EPC2: variants seen among roughly 807,000 people sequenced by gnomAD.
The protein encoded by EPC2 is enhancer of polycomb homolog 2.
In EPC2, 14 loss-of-function variants were observed where a neutral mutation model predicts 92.1. That is an observed-to-expected ratio of 0.15 (90% CI 0.10 to 0.24). EPC2 has a LOEUF of 0.24. EPC2 is among the 10% of genes least tolerant of loss of function. EPC2 has a pLI of 1.00. For missense variants in EPC2, 755 were observed against 971.5 expected (o/e 0.78, Z 2.96); for synonymous variants, 340 against 334.7 (o/e 1.02, Z -0.17).
rs1418327178 is a variant in EPC2 at position 148,644,879 on chromosome 2, C to CG, written c.-134dup. 1.2e-5 allele frequency: 9 copies of CG among 721,268 alleles called. No individual in the cohort carries two copies. Among genetic ancestry groups the CG allele is most frequent in the South Asian group, 1.8e-5 (1 of 55,560 alleles). 44.7% of individuals were successfully genotyped at this position (721,268 alleles called of 1,614,324 possible). On this transcript the variant is annotated 5_prime_UTR_variant, in exon 1 of 14. The change abolishes the stop of an existing upstream ORF in the 5' untranslated region. Coordinates refer to ENST00000258484, the MANE Select transcript of EPC2 (RefSeq NM_015630.4). ...GCGGGGTGGGCGCCCATGCTGTGGC[C>CG]GGGGGCAGTGAGGAGGAGGAGGAGC...
intron 1 of EPC2, among the ~76,000 whole-genome samples, chr2:148,684,863 G>A (rs1681482727): frequency 6.6e-6 from 1 of 152,174 alleles, no homozygotes; most frequent in Non-Finnish European, 1.5e-5. Flanking sequence ...AGTCATACAT[G>A]CCGGAATTTG....
At chr2:148,669,184 A>G (rs951338870) in intron 1 of EPC2, among the ~76,000 whole-genome samples, 3 of 152,148 alleles carry the variant, frequency 2.0e-5, no homozygotes, top group African/African-American at 7.2e-5. Context: ...TATGATTTTT[A>G]GTAAGGTTAG....
chr2:148,786,346 C>CTCA lies in EPC2; in HGVS notation c.2393_2394insTCA (p.Ala798_Glu799insGln), dbSNP rs1305071317. ...GAAAGATTGGGCTTAAATGGAATAGCAGAGACAACAGTAGCTATGGAAGTG... is the reference window on the plus strand; with the variant it reads ...GAAAGATTGGGCTTAAATGGAATAGCTCAAGAGACAACAGTAGCTATGGAAGTG... On this transcript the variant is annotated inframe_insertion, in exon 14 of 14. Transcript: ENST00000258484. 6.2e-7 allele frequency: 1 copy of CTCA among 1,611,500 alleles called. No homozygotes were observed. Among genetic ancestry groups the CTCA allele is most frequent in the Non-Finnish European group, 8.5e-7 (1 of 1,178,768 alleles).
At chr2:148,781,594 T>A (rs1409138446) in intron 10 of EPC2, 50 bp from the exon 11 acceptor site, 1 of 1,558,518 alleles carries the variant, frequency 6.4e-7, no homozygotes, top group Non-Finnish European at 8.7e-7. Context: ...CTTGTGTTAT[T>A]AAAAATCTTT....
intron 4 of EPC2, among the ~76,000 whole-genome samples, chr2:148,755,658 C>G (rs772363930): frequency 6.6e-6 from 1 of 152,186 alleles, no homozygotes. Context: ...GGTTTGTAGC[C>G]TAGCAGCAAT....
chr2:148,716,157 T>A (rs1292322476), intron 2 of EPC2, among the ~76,000 whole-genome samples: 2 of 152,100 alleles, frequency 1.3e-5, no homozygotes, highest in African/African-American at 4.8e-5. Flanking sequence ...ATAGGATCAT[T>A]TTATCTGCAA....
At chr2:148,716,391 ATG>A (rs1682262326) in intron 2 of EPC2, among the ~76,000 whole-genome samples, 3 of 152,142 alleles carry the variant, frequency 2.0e-5, no homozygotes, top group Non-Finnish European at 2.9e-5. Flanking sequence ...ATTTTGAGGT[ATG>A]TTCCTTGAAT....
intron 3 of EPC2, among the ~76,000 whole-genome samples, chr2:148,751,643 T>C (rs1683084423): frequency 6.6e-6 from 1 of 152,132 alleles, no homozygotes. Context: ...GCCTGGCTGC[T>C]AAATGACAGA....
chr2:148,693,759 T>C (rs1238244113), intron 2 of EPC2, among the ~76,000 whole-genome samples: 1 of 152,230 alleles, frequency 6.6e-6, no homozygotes, highest in East Asian at 1.9e-4. Flanking sequence ...TTATGCCTTA[T>C]TTTGTTATGT....
intron 2 of EPC2, among the ~76,000 whole-genome samples, chr2:148,740,262 G>A (rs1682856336): frequency 6.6e-6 from 1 of 150,530 alleles, no homozygotes. Flanking sequence ...CATGTAGGGA[G>A]TATACAGGTA....
intron 2 of EPC2, among the ~76,000 whole-genome samples, chr2:148,718,523 TG>T (rs1682302592): frequency 6.6e-6 from 1 of 152,230 alleles, no homozygotes; most frequent in South Asian, 2.1e-4. Context: ...TATGACATTC[TG>T]GGGTGGAAAT....
chr2:148,767,594 TTAAAG>T (rs1405202575), intron 7 of EPC2, among the ~76,000 whole-genome samples: 11 of 152,164 alleles, frequency 7.2e-5, no homozygotes, highest in East Asian at 1.9e-4. Flanking sequence ...GACAAGATCA[TTAAAG>T]TAATCATATT....
At chr2:148,769,576 A>G (rs144154794) in intron 8 of EPC2, among the ~76,000 whole-genome samples, 7 of 152,284 alleles carry the variant, frequency 4.6e-5, no homozygotes, top group Admixed American at 4.6e-4. Flanking sequence ...AGAACCTTTG[A>G]TGGCTGCTAG....
intron 2 of EPC2, among the ~76,000 whole-genome samples, chr2:148,699,721 G>A (rs1681834851): frequency 6.6e-6 from 1 of 152,162 alleles, no homozygotes; most frequent in Admixed American, 6.5e-5. Context: ...AGGTTTTTGT[G>A]TGGCTGTGAG....
chr2:148,710,582 G>T (rs554810988), intron 2 of EPC2, among the ~76,000 whole-genome samples: 1 of 152,136 alleles, frequency 6.6e-6, no homozygotes, highest in East Asian at 1.9e-4. Context: ...CACAGTAGCA[G>T]ACTTGGAACC....
chr2:148,732,966 T>C (rs1033342804), intron 2 of EPC2, among the ~76,000 whole-genome samples: 1 of 133,784 alleles, frequency 7.5e-6, no homozygotes, highest in African/African-American at 2.8e-5. Flanking sequence ...TTTTTTTTTT[T>C]CCAGTTAATA....
intron 2 of EPC2, among the ~76,000 whole-genome samples, chr2:148,701,385 C>G (rs1225398605): frequency 6.6e-6 from 1 of 152,162 alleles, no homozygotes; most frequent in Admixed American, 6.5e-5. Context: ...GTGATATTAA[C>G]TGTAGGTTTT....
At chr2:148,657,691 C>G (rs1680833785) in intron 1 of EPC2, among the ~76,000 whole-genome samples, 1 of 151,942 alleles carries the variant, frequency 6.6e-6, no homozygotes, top group Non-Finnish European at 1.5e-5. Flanking sequence ...TATCCTAGAT[C>G]TACCAACCAA....
In EPC2 at chr2:148,715,025, GTTTTTTTTTTTTT is replaced by G. The variant is rs60115354; in HGVS notation, c.313+24665_313+24677del. The stretch of plus-strand genomic sequence containing the variant: ...GGTATCGCCTAGATTTTCTTCTAGG[GTTTTTTTTTTTTT>G]TTTTTTTTTTTTGGAGACAGAGTCT... On this transcript the variant is annotated intron_variant, in intron 2 of 13. Coordinates refer to ENST00000258484, the MANE Select transcript of EPC2 (RefSeq NM_015630.4). Among the ~76,000 whole-genome samples, 186 of 86,930 alleles carry G rather than the reference GTTTTTTTTTTTTT, an allele frequency of 2.1e-3. No individual in the cohort carries two copies. The Middle Eastern group carries it at 0.027, about 13-fold the overall frequency. 57.0% of individuals were successfully genotyped at this position (86,930 alleles called of 152,430 possible). A position where few individuals can be genotyped will look rare whatever the true frequency, so the allele number is the denominator to read the frequency against.
Sources: gnomAD v4.1 joint callset for allele counts (sites outside exome capture counted in the v4.1 genomes callset) on GRCh38, gnomAD v4.1.1 for gene constraint, MANE v1.5 for transcripts, NCBI Gene and HGNC (gene_info 2026-07-23, HGNC 2026-07-21) for gene names.